Variants in KIF26B observed in about 807,000 individuals in gnomAD.
The protein encoded by KIF26B is kinesin family member 26B, also known as kinesin-like protein KIF26B.
A neutral mutation model predicts 151.2 loss-of-function variants in KIF26B; 63 were observed. The ratio of observed to expected loss-of-function variants is 0.42; its 90% confidence interval spans 0.34 to 0.51. The LOEUF (loss-of-function observed/expected upper bound fraction) is 0.51. Among genes scored for constraint, KIF26B ranks in the 20% least tolerant of loss-of-function variants. The pLI is 0.07. For missense variants in KIF26B, 2,813 were observed against 2,913.6 expected, an observed-to-expected ratio of 0.97 and a Z score of 0.79; for synonymous variants, 1,357 against 1,262.1, an observed-to-expected ratio of 1.08 and a Z score of -1.59.
intron 4 of KIF26B, among the ~76,000 whole-genome samples, chr1:245,451,768 T>G (rs1016023603): frequency 9.9e-5 from 15 of 151,934 alleles, no homozygotes; most frequent in African/African-American, 3.4e-4. Context: ...ACCAGCTAAT[T>G]TTTGTATTTT....
At chr1:245,438,365 T>C (rs753635473) in intron 4 of KIF26B, among the ~76,000 whole-genome samples, 10 of 152,200 alleles carry the variant, frequency 6.6e-5, no homozygotes, top group Non-Finnish European at 1.5e-4. Flanking sequence ...CCTCATATAT[T>C]TTACTTCTTC....
Position 245,597,149 on chromosome 1 carries a change from G to A in KIF26B, c.1351-5428G>A, listed in dbSNP as rs533280254. ...TTACATTTAAGGTTAATATTGTTAT[G>A]TGTGAATTTGATCCTGTCATTATGA... On this transcript the variant is annotated intron_variant, in intron 5 of 14. Transcript: ENST00000407071. The surrounding 1 kb of genome is among the most constrained non-coding windows in gnomAD (Gnocchi z 4.6). Among the ~76,000 whole-genome samples the A allele has an allele frequency of 2.0e-5, 3 of 152,244 alleles. No homozygotes were observed. In the South Asian group the frequency reaches 6.2e-4, roughly 32 times the overall value.
chr1:245,647,344 G>A (rs2043961507), intron 10 of KIF26B, among the ~76,000 whole-genome samples: 1 of 133,368 alleles, frequency 7.5e-6, no homozygotes, highest in African/African-American at 2.9e-5. Flanking sequence ...AGAATGGCAT[G>A]AAACCAGGAG....
intron 4 of KIF26B, among the ~76,000 whole-genome samples, chr1:245,448,342 G>A (rs1317964571): frequency 6.6e-6 from 1 of 152,086 alleles, no homozygotes; most frequent in Non-Finnish European, 1.5e-5. Flanking sequence ...CAAGTAGCTG[G>A]GACTACAGGT....
chr1:245,220,625 G>A (rs916999452), intron 2 of KIF26B, among the ~76,000 whole-genome samples: 1 of 152,216 alleles, frequency 6.6e-6, no homozygotes, highest in Non-Finnish European at 1.5e-5. Context: ...ATGGGTGGGC[G>A]AGGTTGAGAT....
chr1:245,480,278 G>A (rs1469847100), intron 4 of KIF26B, among the ~76,000 whole-genome samples: 2 of 150,942 alleles, frequency 1.3e-5, no homozygotes, highest in Non-Finnish European at 3.0e-5. Flanking sequence ...CTGTCTCGGG[G>A]GGGAGGAAAG....
intron 4 of KIF26B, among the ~76,000 whole-genome samples, chr1:245,426,460 G>A (rs548984871): frequency 4.6e-5 from 7 of 152,064 alleles, no homozygotes; most frequent in African/African-American, 7.2e-5. Context: ...CCTTGCCGTC[G>A]GCCCAAACAC....
intron 9 of KIF26B, among the ~76,000 whole-genome samples, chr1:245,613,020 G>T (rs10924254): frequency 0.086 from 13,131 of 152,216 alleles, 810 homozygotes; most frequent in East Asian, 0.2. Context: ...CAGGGGCAAA[G>T]TGGTCTGTTG....
chr1:245,298,556 G>A (rs532548114), intron 2 of KIF26B, among the ~76,000 whole-genome samples: 16 of 152,328 alleles, frequency 1.1e-4, no homozygotes, highest in African/African-American at 2.6e-4. Context: ...TGGGCATGGC[G>A]ATTGGTGATG....
intron 5 of KIF26B, among the ~76,000 whole-genome samples, chr1:245,566,201 A>G (rs1381406229): frequency 6.6e-6 from 1 of 152,206 alleles, no homozygotes; most frequent in Non-Finnish European, 1.5e-5. Flanking sequence ...TGCATGCCAG[A>G]TGATTTTTGC....
At chr1:245,565,679 A>C (rs917715621) in intron 5 of KIF26B, among the ~76,000 whole-genome samples, 1 of 152,178 alleles carries the variant, frequency 6.6e-6, no homozygotes, top group Non-Finnish European at 1.5e-5. Flanking sequence ...ATTAGTACTA[A>C]CCATTATTCA....
rs186628835 is a variant in KIF26B, at chr1:245,174,466, T to G, written c.465+17783T>G. Among the ~76,000 whole-genome samples the G allele has an allele frequency of 3.5e-4, 53 of 150,176 alleles. 1 individual carries two copies. In the East Asian group the frequency reaches 1.0e-2, roughly 28 times the overall value. ...GAAGGACAGAGAGACCAAGAAACTC[T>G]TTTTTTACTCCTATTCAGCAACTAT... On this transcript the variant is annotated intron_variant, in intron 2 of 14. Coordinates refer to ENST00000407071, the MANE Select transcript of KIF26B (RefSeq NM_018012.4).
At chr1:245,357,058 A>T (rs778957856) in intron 2 of KIF26B, among the ~76,000 whole-genome samples, 2 of 152,174 alleles carry the variant, frequency 1.3e-5, no homozygotes, top group Non-Finnish European at 2.9e-5. Flanking sequence ...GAAGGCTTTC[A>T]TGGCTGGTTC....
chr1:245,702,070 A>AC lies in KIF26B; in HGVS notation c.6179-383dup, dbSNP rs759446470. Reference sequence around the variant, plus strand: ...GAGGTATAAATGTCACTCAACTGAGACCCCCAAAAGGGAGGGACTCTCCCC... The same window carrying AC: ...GAGGTATAAATGTCACTCAACTGAGACCCCCCAAAAGGGAGGGACTCTCCCC... On this transcript the variant is annotated intron_variant, in intron 14 of 14. Coordinates refer to ENST00000407071, the MANE Select transcript of KIF26B (RefSeq NM_018012.4). This position sits in a 1 kb window ranked among gnomAD's most constrained non-coding sequence, Gnocchi z 4.1. 8.3e-4 allele frequency among the ~76,000 whole-genome samples: 126 copies of AC among 151,810 alleles called. No individual in the cohort carries two copies. The highest frequency in any genetic ancestry group is 1.2e-3 in the Non-Finnish European group (84 of 67,960).
At chr1:245,649,440 A>G (rs997846213) in intron 10 of KIF26B, among the ~76,000 whole-genome samples, 4 of 152,328 alleles carry the variant, frequency 2.6e-5, no homozygotes, top group African/African-American at 9.6e-5. Context: ...GGAGCCCAGC[A>G]CAGCAGGAAA....
intron 4 of KIF26B, among the ~76,000 whole-genome samples, chr1:245,444,669 G>A (rs1659207378): frequency 1.3e-5 from 2 of 152,182 alleles, no homozygotes; most frequent in Admixed American, 6.5e-5. Flanking sequence ...GTTAGTTCAC[G>A]TTGTTTGATA....
chr1:245,349,584 A>G (rs1672525765), intron 2 of KIF26B, among the ~76,000 whole-genome samples: 1 of 151,644 alleles, frequency 6.6e-6, no homozygotes, highest in African/African-American at 2.4e-5. Flanking sequence ...AAAAAAGCCA[A>G]CAAAACTCAC....
At position 245,685,842 on chromosome 1, in the gene KIF26B, G is replaced by C. The variant is rs1373524129; in HGVS notation, c.2859G>C (p.Gln953His). The C allele has an allele frequency of 3.1e-6, 5 of 1,612,596 alleles. No homozygotes were observed. The highest frequency in any genetic ancestry group is 4.2e-6 in the Non-Finnish European group (5 of 1,179,796). ...TTCCTTTCGAAGAACTGCCTGCTCA[G>C]TTTGGGCCAGAGCAGGCAAGCAGAG... Reference protein sequence around the residue: ...SSFPFEELPAQFGPEQASRGP... With the variant: ...SSFPFEELPAHFGPEQASRGP... Residue 953 changes from glutamine to histidine, a missense_variant, in exon 12 of 15, where the codon CAG becomes CAC. This residue lies in a region of KIF26B where 2,060 missense variants were observed against 2,088.6 expected (regional missense o/e 0.99). Transcript: ENST00000407071.
chr1:245,299,537 G>A (rs1671392330), intron 2 of KIF26B, among the ~76,000 whole-genome samples: 1 of 152,074 alleles, frequency 6.6e-6, no homozygotes, highest in Non-Finnish European at 1.5e-5. Context: ...TTTGCAAAAT[G>A]TTTTAGAATT....
Sources: gnomAD v4.1 joint callset for allele counts (sites outside exome capture counted in the v4.1 genomes callset) on GRCh38, gnomAD v4.1.1 for gene constraint, gnomAD v4.1.1 regional missense constraint, Gnocchi (gnomAD v3.1) non-coding constraint, MANE v1.5 for transcripts, NCBI Gene and HGNC (gene_info 2026-07-23, HGNC 2026-07-21) for gene names.